The following NCKAP5 variants were observed in gnomAD, a reference collection of about 807,000 sequenced individuals.
NCKAP5 encodes the protein nck-associated protein 5.
Under a neutral mutation model 167.0 loss-of-function variants are expected in NCKAP5, and 92 were observed. The observed-to-expected ratio is 0.55, with a 90% CI of 0.47 to 0.66. The LOEUF is 0.66. Ranked by LOEUF, NCKAP5 falls within the 30% of genes least tolerant of loss-of-function variation. The probability of loss-of-function intolerance (pLI) is 0.00; values close to 1 mark genes in which losing one functional copy is unlikely to be tolerated. For synonymous variants in NCKAP5, 891 were observed against 877.4 expected (o/e 1.02, Z -0.27); for missense variants, 2,378 against 2,315.0 (o/e 1.03, Z -0.56).
In NCKAP5 at chr2:133,031,526, C is replaced by A. The variant is rs140563082; in HGVS notation, c.342-37287G>T. On this transcript the variant is annotated intron_variant, in intron 6 of 19. Coordinates refer to ENST00000409261, the MANE Select transcript of NCKAP5 (RefSeq NM_207363.3). ...GAGTAAACTTGAAAGGCAGTCTGGGCCATAAGGATTGCAACTTTTAGGTGA... is the reference window on the plus strand; with the variant it reads ...GAGTAAACTTGAAAGGCAGTCTGGGACATAAGGATTGCAACTTTTAGGTGA... Among the ~76,000 whole-genome samples the A allele has an allele frequency of 5.3e-5, 8 of 152,256 alleles. No homozygotes were observed. In the East Asian group the frequency reaches 1.4e-3, roughly 26 times the overall value.
At chr2:132,838,696 C>T (rs2105407966) in intron 11 of NCKAP5, among the ~76,000 whole-genome samples, 1 of 152,238 alleles carries the variant, frequency 6.6e-6, no homozygotes, top group Non-Finnish European at 1.5e-5. Flanking sequence ...TTCTCCTGTA[C>T]TGTTTCTCTC....
chr2:132,723,384 G>A (rs1446929466), intron 19 of NCKAP5, among the ~76,000 whole-genome samples: 2 of 150,530 alleles, frequency 1.3e-5, no homozygotes, highest in East Asian at 2.0e-4. Context: ...GGTTGGTCTC[G>A]AACTCCTGAC....
chr2:132,877,992 G>C (rs1691416689), intron 9 of NCKAP5, among the ~76,000 whole-genome samples: 1 of 152,180 alleles, frequency 6.6e-6, no homozygotes, highest in Non-Finnish European at 1.5e-5. Context: ...GTTTTAAGGT[G>C]CTAGACAGAT....
At chr2:133,289,132 G>C (rs1423937757) in intron 4 of NCKAP5, among the ~76,000 whole-genome samples, 2 of 152,120 alleles carry the variant, frequency 1.3e-5, no homozygotes, top group African/African-American at 4.8e-5. Context: ...CAAACAGTTA[G>C]AATAGAGCCT....
At chr2:132,787,145 C>G (rs145364223) in intron 13 of NCKAP5, among the ~76,000 whole-genome samples, 1 of 152,120 alleles carries the variant, frequency 6.6e-6, no homozygotes, top group East Asian at 1.9e-4. Flanking sequence ...GTCAGGAGTT[C>G]GAGACTAGTC....
chr2:132,957,521 G>A (rs1170316002), intron 8 of NCKAP5, among the ~76,000 whole-genome samples: 1 of 151,978 alleles, frequency 6.6e-6, no homozygotes, highest in East Asian at 1.9e-4. Flanking sequence ...AACTACTGTT[G>A]GGGCTCAGAA....
rs144456537 is a variant in NCKAP5, at chr2:132,785,235, A to G, written c.1576T>C (p.Ser526Pro). ...GGCCTTTCCTTGGGATAAACTGAGG[A>G]TGTGCCTTCCAGAAAGTGTTTTCTG... ...TNRKHFLEGT[S>P]SVYPKERPEK... Residue 526 changes from serine to proline, a missense_variant, in exon 14 of 20, where the codon TCC (serine) becomes CCC (proline). This residue lies in a region of NCKAP5 where 1,049 missense variants were observed against 1,023.4 expected (regional missense o/e 1.02). Transcript: ENST00000409261. The G allele has an allele frequency of 6.4e-6, 10 of 1,571,000 alleles. No homozygotes were observed. The highest frequency in any genetic ancestry group is 7.8e-6 in the Non-Finnish European group (9 of 1,159,594).
At chr2:133,090,683 T>C (rs756349388) in intron 6 of NCKAP5, among the ~76,000 whole-genome samples, 1 of 152,154 alleles carries the variant, frequency 6.6e-6, no homozygotes, top group African/African-American at 2.4e-5. Flanking sequence ...ATACAGCAGA[T>C]GAGTTAGACA....
chr2:133,443,016 G>A lies in NCKAP5; in HGVS notation c.69+74442C>T, dbSNP rs148696608. ...TTTTTAAGATGATATGAATTGCATAGTCCACAAAACATATTTGCCAAGATG... is the reference window on the plus strand; with the variant it reads ...TTTTTAAGATGATATGAATTGCATAATCCACAAAACATATTTGCCAAGATG... On this transcript the variant is annotated intron_variant, in intron 3 of 19. Transcript: ENST00000409261. 1.2e-3 allele frequency among the ~76,000 whole-genome samples: 190 copies of A among 152,322 alleles called. 2 individuals are homozygous for A. Among genetic ancestry groups the A allele is most frequent in the African/African-American group, 4.1e-3 (171 of 41,574 alleles).
intron 5 of NCKAP5, among the ~76,000 whole-genome samples, chr2:133,183,818 A>T (rs2084832699): frequency 6.6e-6 from 1 of 152,160 alleles, no homozygotes; most frequent in African/African-American, 2.4e-5. Flanking sequence ...CTATATAAAA[A>T]ATCCCAAGGA....
Position 132,994,202 on chromosome 2 carries a change from C to G in NCKAP5, c.379G>C (p.Gly127Arg). 1 of 1,591,838 alleles carries G rather than the reference C, an allele frequency of 6.3e-7. No homozygotes were observed. Among genetic ancestry groups the G allele is most frequent in the Non-Finnish European group, 8.6e-7 (1 of 1,168,164 alleles). The change falls in exon 7 of 20, where the codon GGA (glycine) becomes CGA (arginine). Residue 127 changes from glycine (G) to arginine (R), a missense_variant. This residue lies in a region of NCKAP5 where 1,049 missense variants were observed against 1,023.4 expected (regional missense o/e 1.02). Coordinates refer to ENST00000409261, the MANE Select transcript of NCKAP5 (RefSeq NM_207363.3). ...TCTTCTTTTTTCTGCTCTGGAGATC[C>G]TTGACTCTGCAATAGATTTCGTACT... ...ETVRNLLQSQ[G>R]SPEQKKEETV...
chr2:133,204,838 C>T (rs1472775177), intron 5 of NCKAP5, among the ~76,000 whole-genome samples: 4 of 152,222 alleles, frequency 2.6e-5, no homozygotes, highest in Admixed American at 1.3e-4. Context: ...TTTTGACTTA[C>T]AATGTGCATT....
At chr2:132,714,584 G>A (rs1329240985) in intron 19 of NCKAP5, among the ~76,000 whole-genome samples, 1 of 151,924 alleles carries the variant, frequency 6.6e-6, no homozygotes, top group Non-Finnish European at 1.5e-5. Flanking sequence ...TTGGGAAGCC[G>A]AGGCTGGCGG....
chr2:133,111,780 G>T (rs1317705176), intron 6 of NCKAP5, among the ~76,000 whole-genome samples: 1 of 152,162 alleles, frequency 6.6e-6, no homozygotes, highest in African/African-American at 2.4e-5. Flanking sequence ...TTCACACTGG[G>T]CTGTGATGAA....
intron 4 of NCKAP5, among the ~76,000 whole-genome samples, chr2:133,255,290 G>A (rs2088560239): frequency 6.6e-6 from 1 of 152,134 alleles, no homozygotes; most frequent in Non-Finnish European, 1.5e-5. Context: ...TATAAATACT[G>A]TTTTGTTTCC....
chr2:133,441,039 T>C (rs1690816001), intron 3 of NCKAP5, among the ~76,000 whole-genome samples: 1 of 152,032 alleles, frequency 6.6e-6, no homozygotes, highest in South Asian at 2.1e-4. Context: ...GCTCCACATA[T>C]TAGAAAACAC....
intron 3 of NCKAP5, among the ~76,000 whole-genome samples, chr2:133,462,843 G>C (rs995637563): frequency 1.3e-5 from 2 of 152,210 alleles, no homozygotes; most frequent in Non-Finnish European, 2.9e-5. Context: ...CAACAGACAT[G>C]TTAAAATGCA....
At chr2:133,587,494 T>G in the NCKAP5 span, among the ~76,000 whole-genome samples, 1 of 152,202 alleles carries the variant, frequency 6.6e-6, no homozygotes, top group Non-Finnish European at 1.5e-5. Context: ...GGGAAAAGCA[T>G]TGATGCAGAT....
intron 2 of NCKAP5, among the ~76,000 whole-genome samples, chr2:133,531,595 G>A (rs959896848): frequency 2.0e-5 from 3 of 151,898 alleles, no homozygotes; most frequent in African/African-American, 7.3e-5. Flanking sequence ...TCATTTTCTG[G>A]TCATACAGCA....
Sources: allele counts gnomAD v4.1 joint callset (sites outside exome capture counted in the v4.1 genomes callset), GRCh38; gene constraint gnomAD v4.1.1; regional missense constraint gnomAD v4.1.1; transcripts MANE v1.5; gene names NCBI Gene and HGNC (gene_info 2026-07-23, HGNC 2026-07-21).